H2BN1: variants seen among roughly 807,000 people sequenced by gnomAD.
H2BN1 encodes histone H2B.N.
chr17:32,900,688 T>C, the H2BN1 span, among the ~76,000 whole-genome samples: 3 of 151,972 alleles, frequency 2.0e-5, no homozygotes, highest in African/African-American at 7.2e-5. Context: ...TTCACGCCAT[T>C]CTCCTGCCTC....
chr17:32,896,770 C>T, the H2BN1 span, among the ~76,000 whole-genome samples: 2 of 152,160 alleles, frequency 1.3e-5, no homozygotes, highest in Non-Finnish European at 1.5e-5. Context: ...TAAGCAGCCT[C>T]TACGGCCTCT....
the H2BN1 span, among the ~76,000 whole-genome samples, chr17:32,895,929 G>T: frequency 9.2e-5 from 14 of 151,950 alleles, no homozygotes; most frequent in Admixed American, 8.5e-4. Flanking sequence ...ATGGGGTCTT[G>T]CTCTGTCACC....
At chr17:32,897,093 A>C in the H2BN1 span, among the ~76,000 whole-genome samples, 1 of 152,268 alleles carries the variant, frequency 6.6e-6, no homozygotes, top group African/African-American at 2.4e-5. Flanking sequence ...AGGATAAAAC[A>C]AGATATTGGT....
the H2BN1 span, among the ~76,000 whole-genome samples, chr17:32,903,228 G>C: frequency 4.4e-4 from 67 of 151,438 alleles, no homozygotes; most frequent in South Asian, 4.0e-3. Context: ...TAAATACATA[G>C]ATGTATTAGG....
At chr17:32,897,433 G>C in the H2BN1 span, among the ~76,000 whole-genome samples, 2 of 148,534 alleles carry the variant, frequency 1.3e-5, no homozygotes, top group Non-Finnish European at 1.5e-5. Context: ...AATATGACTT[G>C]CTCCATATGT....
the H2BN1 span, among the ~76,000 whole-genome samples, chr17:32,903,548 T>C: frequency 1.5e-3 from 232 of 152,358 alleles, no homozygotes; most frequent in South Asian, 9.5e-3. Flanking sequence ...TTCAGAACTT[T>C]AGCCATGAGA....
the H2BN1 span, among the ~76,000 whole-genome samples, chr17:32,902,359 G>A: frequency 6.6e-6 from 1 of 152,056 alleles, no homozygotes; most frequent in Non-Finnish European, 1.5e-5. Flanking sequence ...TTTGGGGTGT[G>A]GGCTGAACTA....
At chr17:32,902,592 G>T in the H2BN1 span, among the ~76,000 whole-genome samples, 3 of 152,140 alleles carry the variant, frequency 2.0e-5, no homozygotes, top group Non-Finnish European at 4.4e-5. Context: ...TGTAATCCTA[G>T]CACTTTGGGA....
At chr17:32,898,668 G>C in the H2BN1 span, among the ~76,000 whole-genome samples, 1 of 152,140 alleles carries the variant, frequency 6.6e-6, no homozygotes, top group African/African-American at 2.4e-5. Flanking sequence ...TTTTAGATGG[G>C]TAGGTCTTGA....
chr17:32,904,157 C>T, the H2BN1 span, among the ~76,000 whole-genome samples: 4 of 152,312 alleles, frequency 2.6e-5, no homozygotes, highest in African/African-American at 4.8e-5. Flanking sequence ...ACAAGGCCCC[C>T]GGTCACCCAG....
the H2BN1 span, among the ~76,000 whole-genome samples, chr17:32,901,770 G>A: frequency 6.6e-6 from 1 of 152,104 alleles, no homozygotes; most frequent in East Asian, 1.9e-4. Flanking sequence ...TGAACTTTGG[G>A]CTAAAAAAAG....
chr17:32,897,509 C>T, the H2BN1 span, among the ~76,000 whole-genome samples: 1 of 152,122 alleles, frequency 6.6e-6, no homozygotes, highest in Non-Finnish European at 1.5e-5. Context: ...CTTATTTTTA[C>T]TACTCTGGTT....
the H2BN1 span, among the ~76,000 whole-genome samples, chr17:32,899,810 T>C: frequency 3.3e-5 from 5 of 152,278 alleles, no homozygotes; most frequent in Non-Finnish European, 7.4e-5. Flanking sequence ...AAACAAAGGA[T>C]CAGCAATAAA....
the H2BN1 span, among the ~76,000 whole-genome samples, chr17:32,902,299 A>G: frequency 6.6e-6 from 1 of 152,218 alleles, no homozygotes; most frequent in African/African-American, 2.4e-5. Flanking sequence ...TTGTAAAATT[A>G]TAACTGAGAC....
At chr17:32,898,253 A>G in the H2BN1 span, among the ~76,000 whole-genome samples, 1 of 152,208 alleles carries the variant, frequency 6.6e-6, no homozygotes, top group African/African-American at 2.4e-5. Flanking sequence ...TTAGGGAGAC[A>G]TGAGACATCA....
the H2BN1 span, among the ~76,000 whole-genome samples, chr17:32,902,714 C>A: frequency 6.6e-6 from 1 of 152,026 alleles, no homozygotes; most frequent in Non-Finnish European, 1.5e-5. Flanking sequence ...GTGGTGGGCA[C>A]CTGTAGTCCC....
the H2BN1 span, among the ~76,000 whole-genome samples, chr17:32,904,473 A>G: frequency 1.3e-5 from 2 of 152,284 alleles, no homozygotes; most frequent in African/African-American, 4.8e-5. Context: ...CATTACACAC[A>G]TCAAGGTCAA....
At chr17:32,896,566 C>A in the H2BN1 span, among the ~76,000 whole-genome samples, 1 of 152,020 alleles carries the variant, frequency 6.6e-6, no homozygotes, top group South Asian at 2.1e-4. Context: ...TCCCATATTC[C>A]GGTAATATCA....
chr17:32,905,455 T>C, the H2BN1 span, among the ~76,000 whole-genome samples: 3 of 152,168 alleles, frequency 2.0e-5, no homozygotes, highest in Admixed American at 1.3e-4. Flanking sequence ...CCTTTATGGT[T>C]ACCAAAATGT....
Sources: gnomAD v4.1 joint callset for allele counts (sites outside exome capture counted in the v4.1 genomes callset) on GRCh38, gnomAD v4.1.1 for gene constraint, MANE v1.5 for transcripts, NCBI Gene and HGNC (gene_info 2026-07-23, HGNC 2026-07-21) for gene names.